The following TOMT variants were observed in gnomAD, a reference collection of about 807,000 sequenced individuals.
The protein encoded by TOMT is transmembrane O-methyltransferase.
Under a neutral mutation model 21.7 loss-of-function variants are expected in TOMT, and 23 were observed. The observed-to-expected ratio is 1.06, with a 90% CI of 0.76 to 1.50. The LOEUF (loss-of-function observed/expected upper bound fraction) is 1.50. Ranked by LOEUF, TOMT falls within the 40% of genes most tolerant of loss-of-function variation. The pLI, the probability that TOMT is intolerant of heterozygous loss-of-function variation, is 0.00. For missense variants in TOMT, 331 were observed against 348.7 expected, an observed-to-expected ratio of 0.95 and a Z score of 0.41; for synonymous variants, 132 against 150.8, an observed-to-expected ratio of 0.88 and a Z score of 0.91.
chr11:72,109,261 C>G (rs886048638), exon 3 of TOMT: 1 of 456,136 alleles, frequency 2.2e-6, no homozygotes, highest in Non-Finnish European at 4.2e-6. Flanking sequence ...TCTCTTAACA[C>G]GAAGGAAGCT....
chr11:72,107,175 G>A, intron 1 of TOMT: 1 of 467,606 alleles, frequency 2.1e-6, no homozygotes, highest in Admixed American at 4.1e-5. Context: ...GCTGAGGTGG[G>A]AGGATTGCCT....
chr11:72,107,157 C>T, intron 1 of TOMT: 1 of 425,522 alleles, frequency 2.4e-6, no homozygotes, highest in Non-Finnish European at 4.2e-6. Context: ...GTTCCAGCTA[C>T]TGGAAATGCT....
At chr11:72,108,649 A>C in exon 3 of TOMT, 3 of 1,512,230 alleles carry the variant, frequency 2.0e-6, no homozygotes, top group Non-Finnish European at 2.7e-6. Context: ...TCCCGTGCCT[A>C]CGCACCCAGT....
intron 2 of TOMT, 105 bp downstream of exon 2, chr11:72,108,224 CTG>C: frequency 9.8e-7 from 1 of 1,025,476 alleles, no homozygotes; most frequent in Non-Finnish European, 1.4e-6. Flanking sequence ...CACCTCCACT[CTG>C]GGGACTGTGA....
In TOMT at chr11:72,107,930, CCT is replaced by C; in HGVS notation, c.268_269del (p.Leu90AspfsTer50). The C allele has an allele frequency of 1.9e-6, 3 of 1,551,764 alleles. No homozygotes were observed. The highest frequency in any genetic ancestry group is 2.6e-6 in the Non-Finnish European group (3 of 1,146,988). On this transcript the variant is annotated frameshift_variant, in exon 2 of 3. Transcript: ENST00000541899. LOFTEE classifies it high-confidence loss of function. ...AGCCATCTCCCCTCATAGGTCAGATCCTGATGCGGCTGGTGGAGGAGAAGGCC... is the reference window on the plus strand; with the variant it reads ...AGCCATCTCCCCTCATAGGTCAGATCGATGCGGCTGGTGGAGGAGAAGGCC...
chr11:72,106,357 G>C, intron 1 of TOMT, 147 bp downstream of exon 1: 1 of 843,948 alleles, frequency 1.2e-6, no homozygotes, highest in East Asian at 2.8e-5. Flanking sequence ...GAAATGAGGA[G>C]CTTGGACTAA....
Position 72,106,367 on chromosome 11 carries a change from A to T in TOMT, c.259+157A>T, listed in dbSNP as rs777091947. 1.9e-3 allele frequency: 1,448 copies of T among 771,554 alleles called. 1 individual carries two copies. The highest frequency in any genetic ancestry group is 2.5e-3 in the Non-Finnish European group (1,297 of 526,346). 47.8% of individuals were successfully genotyped at this position (771,554 alleles called of 1,614,324 possible). On this transcript the variant is annotated intron_variant, in intron 1 of 2. Transcript: ENST00000541899. ...ATCTGGAAATGAGGAGCTTGGACTAAGTCATTTATTCAGCAAACATTTATT... is the reference window on the plus strand; with the variant it reads ...ATCTGGAAATGAGGAGCTTGGACTATGTCATTTATTCAGCAAACATTTATT...
chr11:72,106,160 A>C, exon 1 of TOMT: 1 of 1,527,318 alleles, frequency 6.5e-7, no homozygotes, highest in Non-Finnish European at 8.8e-7. Context: ...ACCACCCTGG[A>C]CCACTGGAGC....
At chr11:72,106,005 G>A in exon 1 of TOMT, 1 of 1,550,920 alleles carries the variant, frequency 6.4e-7, no homozygotes, top group Non-Finnish European at 8.7e-7. Context: ...CATTGCTGGT[G>A]CGGTACCGGC....
At chr11:72,109,586 G>T (rs1946146911), downstream of TOMT, 1 of 531,280 alleles carries the variant, frequency 1.9e-6, no homozygotes. Context: ...ATAGACATGG[G>T]TGGAAAATCA....
At chr11:72,107,154 C>A in intron 1 of TOMT, 1 of 421,732 alleles carries the variant, frequency 2.4e-6, no homozygotes. Flanking sequence ...GTGGTTCCAG[C>A]TACTGGAAAT....
At chr11:72,108,696 A>G in exon 3 of TOMT, 2 of 1,546,348 alleles carry the variant, frequency 1.3e-6, no homozygotes, top group East Asian at 2.4e-5. Flanking sequence ...CTCCTGGCAC[A>G]CCGGCCACGA....
At chr11:72,109,549 C>T, downstream of TOMT, 1 of 440,434 alleles carries the variant, frequency 2.3e-6, no homozygotes, top group Non-Finnish European at 4.2e-6. Context: ...ATGCTGGACT[C>T]CTCTGGGCCC....
exon 3 of TOMT, chr11:72,108,640 C>G: frequency 6.7e-7 from 1 of 1,501,216 alleles, no homozygotes; most frequent in Non-Finnish European, 8.9e-7. Flanking sequence ...AGGACGTGAT[C>G]CCGTGCCTAC....
rs919376046 is a variant in TOMT, at chr11:72,106,220, C to G, written c.259+10C>G. 1 of 1,468,106 alleles carries G rather than the reference C, an allele frequency of 6.8e-7. No homozygotes were observed. The highest frequency in any genetic ancestry group is 2.3e-5 in the Admixed American group (1 of 44,374). The allele number at this position is 1,468,106 out of a possible 1,614,324, so 90.9% of individuals were successfully genotyped here. On this transcript the variant is annotated intron_variant, in intron 1 of 2. Coordinates refer to ENST00000541899, the Ensembl canonical transcript of TOMT. Reference sequence around the variant, plus strand: ...ATGGGGCCTGTCAAAGGTCAGTGTTCCCTAGCCTTCTGCTCCAAGAAGTAC... The same window carrying G: ...ATGGGGCCTGTCAAAGGTCAGTGTTGCCTAGCCTTCTGCTCCAAGAAGTAC...
chr11:72,108,614 A>G (rs1315748665), exon 3 of TOMT: 3 of 1,469,608 alleles, frequency 2.0e-6, no homozygotes, highest in Non-Finnish European at 2.7e-6. Context: ...GGTGGAGCTC[A>G]TCGTGGGCAG....
At chr11:72,108,924 G>A (rs915259470) in exon 3 of TOMT, 2 of 1,527,490 alleles carry the variant, frequency 1.3e-6, no homozygotes, top group South Asian at 1.2e-5. Context: ...GGACCAGGCT[G>A]AGGTCCAGGC....
At chr11:72,107,359 G>C in intron 1 of TOMT, 1 of 656,076 alleles carries the variant, frequency 1.5e-6, no homozygotes. Flanking sequence ...TTCTAACAGA[G>C]ACCTTTCATA....
downstream of TOMT, chr11:72,109,377 C>T (rs749999049): frequency 4.5e-5 from 21 of 461,880 alleles, no homozygotes; most frequent in South Asian, 7.7e-5. Flanking sequence ...ATGAGTTAGA[C>T]GCCCTGCAGG....
Sources: allele counts gnomAD v4.1 joint callset, GRCh38; gene constraint gnomAD v4.1.1; transcripts MANE v1.5; gene names NCBI Gene and HGNC (gene_info 2026-07-23, HGNC 2026-07-21).